Variants in RGL1 observed in about 807,000 individuals in gnomAD.
RGL1 encodes the protein ral guanine nucleotide dissociation stimulator like 1, also known as ral guanine nucleotide dissociation stimulator-like 1.
RGL1 carries 24 observed loss-of-function variants against 95.2 expected under a neutral mutation model. That is an observed-to-expected ratio of 0.25 (90% confidence interval 0.18 to 0.35). The LOEUF is 0.35. Ranked by LOEUF, RGL1 falls within the 10% of genes least tolerant of loss-of-function variation. The pLI is 1.00. For synonymous variants in RGL1, 329 were observed against 344.9 expected (o/e 0.95, Z 0.51); for missense variants, 715 against 936.3 (o/e 0.76, Z 3.08).
At chr1:183,914,112 T>G (rs1251589477) in intron 15 of RGL1, among the ~76,000 whole-genome samples, 1 of 152,226 alleles carries the variant, frequency 6.6e-6, no homozygotes, top group Non-Finnish European at 1.5e-5. Flanking sequence ...GTAGACATTG[T>G]AGGAAAGTAA....
At chr1:183,873,263 T>C (rs1666288751) in intron 4 of RGL1, among the ~76,000 whole-genome samples, 1 of 152,224 alleles carries the variant, frequency 6.6e-6, no homozygotes, top group South Asian at 2.1e-4. Flanking sequence ...ATTGTTTGAT[T>C]CCCTGCACAG....
chr1:183,890,764 CTATG>C (rs1313873075), intron 8 of RGL1, among the ~76,000 whole-genome samples: 8 of 152,092 alleles, frequency 5.3e-5, no homozygotes, highest in African/African-American at 1.7e-4. Flanking sequence ...ATCAGCAAAT[CTATG>C]GACACGGAAT....
chr1:183,729,184 ATGTGTGTGTG>A (rs61621950), intron 1 of RGL1, among the ~76,000 whole-genome samples: 2 of 150,386 alleles, frequency 1.3e-5, no homozygotes, highest in African/African-American at 2.4e-5. Flanking sequence ...TAAAATATAT[ATGTGTGTGTG>A]TGTGTGTGTG....
intron 2 of RGL1, among the ~76,000 whole-genome samples, chr1:183,776,180 G>A (rs965922542): frequency 3.2e-5 from 4 of 124,810 alleles, no homozygotes; most frequent in East Asian, 2.3e-4. Context: ...ACGGAGTCTC[G>A]CTCTGTCGCC....
intron 2 of RGL1, among the ~76,000 whole-genome samples, chr1:183,742,708 T>G (rs962862653): frequency 1.3e-5 from 2 of 151,578 alleles, no homozygotes; most frequent in Non-Finnish European, 2.9e-5. Flanking sequence ...TGCATATTTG[T>G]GGGGGGTGTG....
intron 1 of RGL1, chr1:183,648,816 A>C: frequency 6.7e-7 from 1 of 1,498,428 alleles, no homozygotes; most frequent in Non-Finnish European, 9.0e-7. Flanking sequence ...GCAAACCTAA[A>C]CAAGGAAGAG....
intron 17 of RGL1, among the ~76,000 whole-genome samples, chr1:183,923,496 G>A (rs1395094587): frequency 2.0e-5 from 3 of 152,046 alleles, no homozygotes; most frequent in Admixed American, 6.6e-5. Context: ...GTACCATTTT[G>A]CTTACAACAC....
intron 1 of RGL1, among the ~76,000 whole-genome samples, chr1:183,672,008 C>A (rs137908594): frequency 0.071 from 10,694 of 151,372 alleles, 650 homozygotes; most frequent in African/African-American, 0.17. Context: ...TCTTGGCTCA[C>A]TGCAACCTCT....
intron 6 of RGL1, 120 bp downstream of exon 6, chr1:183,884,030 C>A: frequency 2.0e-6 from 2 of 1,003,968 alleles, no homozygotes; most frequent in Non-Finnish European, 3.0e-6. Context: ...ATCCTTGAGA[C>A]AGGCTGCGCC....
intron 2 of RGL1, among the ~76,000 whole-genome samples, chr1:183,834,684 AT>A (rs1182813246): frequency 6.6e-6 from 1 of 151,540 alleles, no homozygotes; most frequent in Non-Finnish European, 1.5e-5. Context: ...TTCTCTTTTT[AT>A]TTTGTATTTT....
At chr1:183,838,990 G>A (rs761036698) in intron 2 of RGL1, among the ~76,000 whole-genome samples, 4 of 152,140 alleles carry the variant, frequency 2.6e-5, no homozygotes, top group Non-Finnish European at 4.4e-5. Context: ...ATAATTAGAG[G>A]GAAGGTACAT....
intron 3 of RGL1, among the ~76,000 whole-genome samples, chr1:183,854,985 C>T (rs1665043650): frequency 6.6e-6 from 1 of 151,974 alleles, no homozygotes; most frequent in Non-Finnish European, 1.5e-5. Flanking sequence ...TTGAAATTAC[C>T]TTATTTATCT....
rs929374006 is a variant in RGL1 at position 183,724,095 on chromosome 1, G to A, written c.-32-18031G>A. 6.6e-6 allele frequency among the ~76,000 whole-genome samples: 1 copy of A among 152,178 alleles called. No individual in the cohort carries two copies. The highest frequency in any genetic ancestry group is 1.5e-5 in the Non-Finnish European group (1 of 68,028). ...TCATTGCCTTGAAGGGAAGAGCCCA[G>A]TCCTGGCAAGATTCATCATTTGCTA... On this transcript the variant is annotated intron_variant, in intron 1 of 18. Coordinates refer to the RGL1 transcript ENST00000304685. This position sits in a 1 kb window ranked among gnomAD's most constrained non-coding sequence, Gnocchi z 4.1.
chr1:183,704,263 GTAT>G (rs1311600179), intron 1 of RGL1, among the ~76,000 whole-genome samples: 1 of 152,210 alleles, frequency 6.6e-6, no homozygotes, highest in Non-Finnish European at 1.5e-5. Flanking sequence ...AGAGAGCCAT[GTAT>G]GACAGGAGTG....
intron 1 of RGL1, among the ~76,000 whole-genome samples, chr1:183,668,301 G>A (rs1421908453): frequency 6.6e-6 from 1 of 151,902 alleles, no homozygotes; most frequent in East Asian, 1.9e-4. Context: ...ACTTCTGAAC[G>A]TTAATTTCAC....
intron 2 of RGL1, among the ~76,000 whole-genome samples, chr1:183,822,096 AG>A (rs1254117381): frequency 6.6e-6 from 1 of 152,140 alleles, no homozygotes; most frequent in Non-Finnish European, 1.5e-5. Flanking sequence ...CACAGAGAGA[AG>A]GGAGAAAAGG....
At chr1:183,645,405 G>A (rs1006438333) in intron 1 of RGL1, among the ~76,000 whole-genome samples, 39 of 152,304 alleles carry the variant, frequency 2.6e-4, no homozygotes, top group Admixed American at 2.2e-3. Context: ...TAATGTGTCC[G>A]TCTCTTCAGT....
At chr1:183,754,367 T>C (rs1378165931) in intron 2 of RGL1, 1 of 152,234 alleles carries the variant, frequency 6.6e-6, no homozygotes, top group Non-Finnish European at 1.5e-5. Context: ...ACAAGTCCTA[T>C]GTTGGTTAGA....
chr1:183,915,308 A>G (rs1466419999), intron 15 of RGL1, among the ~76,000 whole-genome samples: 1 of 152,224 alleles, frequency 6.6e-6, no homozygotes, highest in African/African-American at 2.4e-5. Flanking sequence ...ACATGGTATA[A>G]TTTAGCTTAA....
Sources: allele counts gnomAD v4.1 joint callset (sites outside exome capture counted in the v4.1 genomes callset), GRCh38; gene constraint gnomAD v4.1.1; non-coding constraint Gnocchi (gnomAD v3.1); transcripts MANE v1.5; gene names NCBI Gene and HGNC (gene_info 2026-07-23, HGNC 2026-07-21).